The following NCALD variants were observed in gnomAD, a reference collection of about 807,000 sequenced individuals.
NCALD encodes neurocalcin-delta.
In NCALD, 10 loss-of-function variants were observed where a neutral mutation model predicts 18.6. The observed-to-expected ratio is 0.54, with a 90% confidence interval of 0.33 to 0.91. The LOEUF is 0.91. NCALD is among the 40% of genes least tolerant of loss of function. The pLI, the probability that NCALD is intolerant of heterozygous loss-of-function variation, is 0.03. For missense variants in NCALD, 184 were observed against 247.6 expected (o/e 0.74, Z 1.72); for synonymous variants, 88 against 87.4 (o/e 1.01, Z -0.04).
chr8:101,741,696 G>T (rs1364820239), intron 1 of NCALD, among the ~76,000 whole-genome samples: 1 of 149,428 alleles, frequency 6.7e-6, no homozygotes, highest in Non-Finnish European at 1.5e-5. Flanking sequence ...GGAGGCTGAG[G>T]CAGGAGGATC....
chr8:101,833,622 TTTTTTTTTTTTGGTAACAA>T (rs1814281577), intron 4 of NCALD, among the ~76,000 whole-genome samples: 1 of 148,550 alleles, frequency 6.7e-6, no homozygotes, highest in Admixed American at 6.7e-5. Flanking sequence ...TTTTTTTTTT[TTTTTTTTTTTTGGTAACAA>T]TTTTGTTAGC....
chr8:101,892,173 G>C (rs555477926), intron 3 of NCALD, among the ~76,000 whole-genome samples: 1 of 148,018 alleles, frequency 6.8e-6, no homozygotes, highest in Non-Finnish European at 1.5e-5. Flanking sequence ...TCTGAGAACC[G>C]GCAGACTGCC....
At chr8:102,061,792 G>A (rs1587001061) in intron 1 of NCALD, among the ~76,000 whole-genome samples, 1 of 152,068 alleles carries the variant, frequency 6.6e-6, no homozygotes, top group Non-Finnish European at 1.5e-5. Flanking sequence ...AAATATAAGC[G>A]CATCTACCCT....
intron 4 of NCALD, among the ~76,000 whole-genome samples, chr8:101,878,526 CTAAT>C (rs1816325912): frequency 6.6e-6 from 1 of 152,116 alleles, no homozygotes; most frequent in Admixed American, 6.5e-5. Flanking sequence ...ATTTAAGAGG[CTAAT>C]TGTTTTAGAT....
chr8:101,945,968 T>A (rs560099919), intron 2 of NCALD, among the ~76,000 whole-genome samples: 1 of 152,358 alleles, frequency 6.6e-6, no homozygotes, highest in Non-Finnish European at 1.5e-5. Context: ...ACCTCATCTA[T>A]GATTGTCTCC....
chr8:101,693,190 A>C, intron 2 of NCALD: 1 of 301,804 alleles, frequency 3.3e-6, no homozygotes, highest in African/African-American at 2.2e-5. Context: ...TCATTCTGTC[A>C]CCCAGGCTGG....
chr8:101,984,706 G>A (rs984560095), intron 2 of NCALD, among the ~76,000 whole-genome samples: 17 of 152,184 alleles, frequency 1.1e-4, no homozygotes, highest in Admixed American at 7.9e-4. Context: ...TGAAGCAAGC[G>A]GAGTACAGCA....
intron 2 of NCALD, among the ~76,000 whole-genome samples, chr8:101,956,483 C>T (rs1355840033): frequency 1.3e-5 from 2 of 152,164 alleles, no homozygotes; most frequent in East Asian, 3.8e-4. Context: ...CAAACACACA[C>T]CGAAGGCAAG....
intron 1 of NCALD, among the ~76,000 whole-genome samples, chr8:101,724,734 G>T (rs1312853896): frequency 6.6e-6 from 1 of 152,174 alleles, no homozygotes; most frequent in Non-Finnish European, 1.5e-5. Flanking sequence ...GCAAATAAAT[G>T]AAAACTCAGA....
chr8:101,938,775 C>T (rs1241533698), intron 2 of NCALD, among the ~76,000 whole-genome samples: 4 of 152,210 alleles, frequency 2.6e-5, no homozygotes, highest in South Asian at 2.1e-4. Context: ...AGGTCAGACC[C>T]TCAACCTGTA....
At chr8:101,804,610 T>C (rs540251095) in intron 4 of NCALD, among the ~76,000 whole-genome samples, 80 of 129,788 alleles carry the variant, frequency 6.2e-4, no homozygotes, top group Middle Eastern at 3.9e-3. Context: ...ATATAATTAA[T>C]TATATAATAT....
intron 3 of NCALD, among the ~76,000 whole-genome samples, chr8:101,891,845 C>T (rs1013710547): frequency 6.6e-6 from 1 of 152,230 alleles, no homozygotes; most frequent in Non-Finnish European, 1.5e-5. Flanking sequence ...TATCCCACAC[C>T]TGGCTCGGAG....
At chr8:101,732,764 C>T (rs561996938) in intron 1 of NCALD, among the ~76,000 whole-genome samples, 11 of 151,940 alleles carry the variant, frequency 7.2e-5, no homozygotes, top group East Asian at 3.9e-4. Flanking sequence ...CCGCCACACC[C>T]GGCTAATTTT....
intron 1 of NCALD, among the ~76,000 whole-genome samples, chr8:101,758,435 G>A (rs755589539): frequency 4.6e-5 from 7 of 152,106 alleles, no homozygotes; most frequent in Non-Finnish European, 7.3e-5. Flanking sequence ...ATTGATCCTG[G>A]GTGACAAATA....
At chr8:101,992,099 G>A (rs990038315) in intron 2 of NCALD, among the ~76,000 whole-genome samples, 12 of 152,152 alleles carry the variant, frequency 7.9e-5, no homozygotes, top group South Asian at 2.1e-4. Flanking sequence ...TATGAAAGTC[G>A]CATGGGAACT....
chr8:102,003,173 T>G (rs571179901), intron 2 of NCALD, among the ~76,000 whole-genome samples: 2 of 151,618 alleles, frequency 1.3e-5, no homozygotes, highest in African/African-American at 4.8e-5. Flanking sequence ...ATCAAACAGA[T>G]GCAATAAAAA....
intron 1 of NCALD, among the ~76,000 whole-genome samples, chr8:102,072,170 G>A (rs781723862): frequency 6.6e-6 from 1 of 152,014 alleles, no homozygotes; most frequent in Non-Finnish European, 1.5e-5. Context: ...ATATGAAAAG[G>A]CGCTCAATAT....
At chr8:101,931,523 C>T (rs1005211002) in intron 2 of NCALD, among the ~76,000 whole-genome samples, 1 of 152,166 alleles carries the variant, frequency 6.6e-6, no homozygotes, top group Admixed American at 6.5e-5. Flanking sequence ...ATGTCCTGAG[C>T]CCTGAAATAG....
chr8:101,852,719 A>G (rs183917019), intron 4 of NCALD: 11 of 152,342 alleles, frequency 7.2e-5, no homozygotes, highest in Admixed American at 3.9e-4. Context: ...CAGGCAGGAA[A>G]TTTAAGTCGA....
Sources: allele counts gnomAD v4.1 joint callset (sites outside exome capture counted in the v4.1 genomes callset), GRCh38; gene constraint gnomAD v4.1.1; transcripts MANE v1.5; gene names NCBI Gene and HGNC (gene_info 2026-07-23, HGNC 2026-07-21).